The following SLC35F1 variants were observed in gnomAD, a reference collection of about 807,000 sequenced individuals.
SLC35F1 encodes the protein chromosome 6 open reading frame 169.
SLC35F1 carries 14 observed loss-of-function variants against 48.7 expected under a neutral mutation model. The observed-to-expected ratio is 0.29, with a 90% CI of 0.19 to 0.45. SLC35F1 has a LOEUF of 0.45. Ranked by LOEUF, SLC35F1 falls within the 20% of genes least tolerant of loss-of-function variation. SLC35F1 has a pLI of 1.00. For missense variants in SLC35F1, 404 were observed against 500.0 expected, an observed-to-expected ratio of 0.81 and a Z score of 1.83; for synonymous variants, 190 against 202.2, an observed-to-expected ratio of 0.94 and a Z score of 0.51.
intron 1 of SLC35F1, among the ~76,000 whole-genome samples, chr6:117,908,518 G>C (rs1775724342): frequency 6.6e-6 from 1 of 152,212 alleles, no homozygotes; most frequent in Admixed American, 6.5e-5. Context: ...CCAGCAAAGT[G>C]CAAAACATTG....
intron 2 of SLC35F1, among the ~76,000 whole-genome samples, chr6:118,180,910 G>A (rs1358068181): frequency 1.3e-5 from 2 of 151,958 alleles, no homozygotes; most frequent in East Asian, 1.9e-4. Flanking sequence ...TAGACGTATC[G>A]TAATAAAACT....
intron 1 of SLC35F1, among the ~76,000 whole-genome samples, chr6:118,082,757 G>A (rs1469957312): frequency 6.6e-6 from 1 of 152,056 alleles, no homozygotes; most frequent in Admixed American, 6.5e-5. Flanking sequence ...AAAAAAAGAT[G>A]GCTACTGACA....
chr6:117,961,903 G>T (rs1437577092), intron 1 of SLC35F1, among the ~76,000 whole-genome samples: 1 of 152,148 alleles, frequency 6.6e-6, no homozygotes, highest in African/African-American at 2.4e-5. Context: ...ATAAATATAT[G>T]TGGAGAAAAG....
intron 1 of SLC35F1, among the ~76,000 whole-genome samples, chr6:118,097,872 G>A (rs568589557): frequency 6.6e-6 from 1 of 152,164 alleles, no homozygotes; most frequent in African/African-American, 2.4e-5. Context: ...GAGTAGGTGT[G>A]GTTTAGTATT....
intron 1 of SLC35F1, among the ~76,000 whole-genome samples, chr6:118,088,980 T>C (rs1018412290): frequency 2.6e-5 from 4 of 152,194 alleles, no homozygotes; most frequent in Admixed American, 6.5e-5. Flanking sequence ...ATAGATCTAC[T>C]ACACATTGCA....
chr6:117,979,338 T>C (rs1433402854), intron 1 of SLC35F1, among the ~76,000 whole-genome samples: 1 of 152,178 alleles, frequency 6.6e-6, no homozygotes, highest in South Asian at 2.1e-4. Context: ...ATTGGAAGAT[T>C]TTCTTATGAG....
intron 1 of SLC35F1, among the ~76,000 whole-genome samples, chr6:117,999,857 G>A (rs1402816238): frequency 1.3e-5 from 2 of 152,092 alleles, no homozygotes; most frequent in South Asian, 4.2e-4. Flanking sequence ...AGAAGAAATG[G>A]ATAAATTCCT....
chr6:118,090,400 C>T (rs776482498), intron 1 of SLC35F1, among the ~76,000 whole-genome samples: 3 of 152,136 alleles, frequency 2.0e-5, no homozygotes, highest in Non-Finnish European at 4.4e-5. Context: ...AAATAAAGAA[C>T]ATATAGAAAT....
At chr6:118,077,590 G>T (rs193051865) in intron 1 of SLC35F1, among the ~76,000 whole-genome samples, 1 of 152,054 alleles carries the variant, frequency 6.6e-6, no homozygotes, top group Admixed American at 6.5e-5. Flanking sequence ...CATAATATAC[G>T]TGTAAAGTAG....
rs114463505 is a variant in SLC35F1, at chr6:118,038,859, C to T, written c.174-115586C>T. 6.7e-3 allele frequency among the ~76,000 whole-genome samples: 1,023 copies of T among 152,196 alleles called. 15 individuals carry two copies. The highest frequency in any genetic ancestry group is 0.023 in the African/African-American group (943 of 41,530). On this transcript the variant is annotated intron_variant, in intron 1 of 7. Coordinates refer to ENST00000360388, the MANE Select transcript of SLC35F1 (RefSeq NM_001029858.4). ...CCGGTCTTCAACTCCTGGCCTTAAG[C>T]AATCCTCCTGCCTCAGCCTCCCAAA...
At chr6:117,997,841 C>T (rs1311717902) in intron 1 of SLC35F1, among the ~76,000 whole-genome samples, 1 of 152,162 alleles carries the variant, frequency 6.6e-6, no homozygotes, top group African/African-American at 2.4e-5. Flanking sequence ...TAAAGACCAT[C>T]AAGGCTAGGA....
intron 1 of SLC35F1, among the ~76,000 whole-genome samples, chr6:117,967,481 C>T (rs1776585616): frequency 6.6e-6 from 1 of 152,174 alleles, no homozygotes; most frequent in African/African-American, 2.4e-5. Flanking sequence ...CTTGTGTCCT[C>T]ATCCTCTTAT....
chr6:118,086,206 A>G, intron 1 of SLC35F1, among the ~76,000 whole-genome samples: 1 of 152,204 alleles, frequency 6.6e-6, no homozygotes, highest in East Asian at 1.9e-4. Flanking sequence ...CACCCATTGG[A>G]GACTAGTCCC....
chr6:118,116,734 C>A (rs983403697), intron 1 of SLC35F1, among the ~76,000 whole-genome samples: 1 of 152,186 alleles, frequency 6.6e-6, no homozygotes, highest in African/African-American at 2.4e-5. Flanking sequence ...ACTTCTCAAA[C>A]TTGCTCAAAC....
intron 2 of SLC35F1, among the ~76,000 whole-genome samples, chr6:118,183,528 G>C (rs888634438): frequency 1.3e-4 from 19 of 151,896 alleles, no homozygotes; most frequent in Admixed American, 8.5e-4. Flanking sequence ...AAAAGAAATT[G>C]TTTCTTACAG....
intron 1 of SLC35F1, among the ~76,000 whole-genome samples, chr6:118,021,940 G>A (rs1189608149): frequency 2.0e-5 from 3 of 152,134 alleles, no homozygotes; most frequent in East Asian, 1.9e-4. Context: ...CGGAGAGTGG[G>A]GAATTTGCCA....
intron 2 of SLC35F1, among the ~76,000 whole-genome samples, chr6:118,184,939 G>C (rs1774635719): frequency 6.6e-6 from 1 of 152,128 alleles, no homozygotes; most frequent in East Asian, 1.9e-4. Context: ...CTATGGTCAG[G>C]GTCAGGATTA....
At chr6:118,187,020 ATCTC>A (rs2114517904) in intron 2 of SLC35F1, among the ~76,000 whole-genome samples, 2 of 152,196 alleles carry the variant, frequency 1.3e-5, no homozygotes, top group Non-Finnish European at 2.9e-5. Context: ...CTCTCATTCT[ATCTC>A]TCTATCTCAT....
Position 118,207,402 on chromosome 6 carries a change from A to G in SLC35F1, c.350-28107A>G, listed in dbSNP as rs904411456. Among the ~76,000 whole-genome samples the G allele has an allele frequency of 6.6e-5, 10 of 152,254 alleles. No homozygotes were observed. In the South Asian group the frequency reaches 2.1e-3, roughly 31 times the overall value. ...TTGTATGTAATAAATTGCAAGGCCT[A>G]GGAAGCATGTTCTGCAGAATATGAC... On this transcript the variant is annotated intron_variant, in intron 2 of 7. Coordinates refer to ENST00000360388, the MANE Select transcript of SLC35F1 (RefSeq NM_001029858.4).
Sources: gnomAD v4.1 joint callset for allele counts (sites outside exome capture counted in the v4.1 genomes callset) on GRCh38, gnomAD v4.1.1 for gene constraint, MANE v1.5 for transcripts, NCBI Gene and HGNC (gene_info 2026-07-23, HGNC 2026-07-21) for gene names.